CDH23: variants seen among roughly 807,000 people sequenced by gnomAD.
The protein encoded by CDH23 is cadherin-23.
Under a neutral mutation model 317.1 loss-of-function variants are expected in CDH23, and 189 were observed. That is an observed-to-expected ratio of 0.60 (90% CI 0.53 to 0.67). The LOEUF (loss-of-function observed/expected upper bound fraction) is 0.67, where lower values mean the gene tolerates loss of function less well. Among genes scored for constraint, CDH23 ranks in the 30% least tolerant of loss-of-function variants. The pLI is 0.00. For synonymous variants in CDH23, 1,839 were observed against 1,876.8 expected (o/e 0.98, Z 0.52); for missense variants, 4,401 against 4,592.4 (o/e 0.96, Z 1.20).
intron 30 of CDH23, among the ~76,000 whole-genome samples, chr10:71,727,904 A>G (rs1253394437): frequency 5.3e-5 from 8 of 152,134 alleles, no homozygotes; most frequent in Non-Finnish European, 1.2e-4. Context: ...AGGTTTGCAA[A>G]CCATCTTGCC....
intron 3 of CDH23, among the ~76,000 whole-genome samples, chr10:71,506,139 G>A (rs963633019): frequency 6.6e-6 from 1 of 152,146 alleles, no homozygotes; most frequent in African/African-American, 2.4e-5. Context: ...GGCACAAAAG[G>A]CCACATACTG....
chr10:71,500,433 G>A (rs1241889467), intron 3 of CDH23, among the ~76,000 whole-genome samples: 2 of 152,138 alleles, frequency 1.3e-5, no homozygotes. Flanking sequence ...AGGTGAGCCC[G>A]CAGCCCCTTC....
chr10:71,702,475 G>T, intron 23 of CDH23, 74 bp from the exon 24 acceptor site: 1 of 1,579,610 alleles, frequency 6.3e-7, no homozygotes. Context: ...CTCACCACTT[G>T]CCTTCTTCCT....
chr10:71,708,642 T>C (rs931858799), intron 26 of CDH23, among the ~76,000 whole-genome samples: 3 of 152,138 alleles, frequency 2.0e-5, no homozygotes, highest in South Asian at 4.2e-4. Flanking sequence ...ATGAGGGGCC[T>C]GGGGGATGCT....
chr10:71,815,122 A>C lies in CDH23; in HGVS notation c.9909A>C (p.Glu3303Asp). The C allele has an allele frequency of 1.2e-6, 2 of 1,611,474 alleles. No individual in the cohort carries two copies. The highest frequency in any genetic ancestry group is 1.7e-6 in the Non-Finnish European group (2 of 1,179,208). ...LATDLNSLPE[E>D]DQKGLGRSLE... ...CCGACCTCAACAGCCTGCCCGAGGA[A>C]GACCAGAAGGGCCTGGGCCGCTCGC... is the stretch of plus-strand genomic sequence containing the variant. The change falls in exon 70 of 70, where the codon GAA (glutamate) becomes GAC (aspartate). Residue 3303 changes from glutamate to aspartate, a missense_variant. Glu to Asp is a conservative substitution (Grantham distance 45). This residue lies in a region of CDH23 where 1,144 missense variants were observed against 1,138.2 expected (regional missense o/e 1.01). Coordinates refer to ENST00000224721, the MANE Select transcript of CDH23 (RefSeq NM_022124.6).
intron 6 of CDH23, among the ~76,000 whole-genome samples, chr10:71,559,148 C>A (rs1312388936): frequency 6.6e-6 from 1 of 152,238 alleles, no homozygotes; most frequent in Non-Finnish European, 1.5e-5. Context: ...TGAGCTTCAG[C>A]TCACCCGTCT....
chr10:71,796,909 C>T, intron 48 of CDH23, 195 bp from the exon 49 acceptor site: 2 of 528,756 alleles, frequency 3.8e-6, no homozygotes, highest in Non-Finnish European at 6.9e-6. Context: ...GCTTAGTAAG[C>T]ATCATGGGAG....
rs577559462 is a variant in CDH23, at chr10:71,803,200, C to T, written c.7661-9C>T. On this transcript the variant is annotated splice_polypyrimidine_tract_variant and intron_variant, in intron 54 of 69. Transcript: ENST00000224721. ...TCAACCAGAGCTACTCTCCTGCTCC[C>T]ACTGCCAGAGGCCTTCCATGTGGAC... is the stretch of plus-strand genomic sequence containing the variant. 1 of 1,608,722 alleles carries T rather than the reference C, an allele frequency of 6.2e-7. No homozygotes were observed.
chr10:71,578,060 A>G, intron 9 of CDH23, 68 bp downstream of exon 9: 5 of 1,451,766 alleles, frequency 3.4e-6, no homozygotes, highest in Non-Finnish European at 3.8e-6. Context: ...GCCAGTAGGC[A>G]TCTCAGGCTC....
chr10:71,469,010 C>A (rs1851384692), intron 3 of CDH23, among the ~76,000 whole-genome samples: 1 of 152,200 alleles, frequency 6.6e-6, no homozygotes, highest in Non-Finnish European at 1.5e-5. Context: ...CCTCCAAGAG[C>A]CCCAAAGCAG....
intron 38 of CDH23, among the ~76,000 whole-genome samples, chr10:71,759,938 C>CACACACATATATAT (rs1840277181): frequency 9.2e-6 from 1 of 108,324 alleles, no homozygotes; most frequent in Admixed American, 9.5e-5. Context: ...CACATATATA[C>CACACACATATATAT]ACACACACAT....
At chr10:71,733,057 C>T (rs556955233) in intron 32 of CDH23, among the ~76,000 whole-genome samples, 1 of 150,870 alleles carries the variant, frequency 6.6e-6, no homozygotes, top group East Asian at 1.9e-4. Context: ...GTTGTTTGAC[C>T]CATGCTTCTG....
intron 2 of CDH23, among the ~76,000 whole-genome samples, chr10:71,445,311 G>C (rs536324289): frequency 1.3e-5 from 2 of 152,342 alleles, no homozygotes; most frequent in Admixed American, 1.3e-4. Context: ...GGGTTCCTGA[G>C]ATGGCAGCTA....
At chr10:71,566,634 G>T in intron 6 of CDH23, 108 bp from the exon 7 acceptor site, 1 of 980,884 alleles carries the variant, frequency 1.0e-6, no homozygotes, top group East Asian at 2.9e-5. Context: ...AAGGCCTCGG[G>T]TCTGGTTGGC....
intron 30 of CDH23, among the ~76,000 whole-genome samples, chr10:71,727,138 T>C (rs1866849934): frequency 6.6e-6 from 1 of 152,228 alleles, no homozygotes; most frequent in Admixed American, 6.5e-5. Flanking sequence ...ACCCTCATAA[T>C]AGCCTTATGA....
intron 9 of CDH23, among the ~76,000 whole-genome samples, chr10:71,602,962 A>T (rs544796084): frequency 6.6e-6 from 1 of 152,306 alleles, no homozygotes; most frequent in African/African-American, 2.4e-5. Flanking sequence ...CGGCTTCCTC[A>T]TACATGTGCC....
intron 11 of CDH23, among the ~76,000 whole-genome samples, chr10:71,627,993 C>T (rs1861826597): frequency 6.6e-6 from 1 of 152,178 alleles, no homozygotes; most frequent in Non-Finnish European, 1.5e-5. Flanking sequence ...ACCCAGTTCA[C>T]CCTGGAACCT....
rs34583697 is a variant in CDH23, at chr10:71,557,995, C to CTTATTTAT, written c.430-8736_430-8729dup. Among the ~76,000 whole-genome samples the CTTATTTAT allele has an allele frequency of 3.2e-4, 47 of 149,038 alleles. No homozygotes were observed. In the East Asian group the frequency reaches 7.3e-3, roughly 23 times the overall value. On this transcript the variant is annotated intron_variant, in intron 6 of 69. Transcript: ENST00000224721. ...CCTCTTCATTTACTCTTTTTTTTAA[C>CTTATTTAT]TTATTTATTTATTTATTTTTGAGAC... is the stretch of plus-strand genomic sequence containing the variant.
Position 71,403,454 on chromosome 10 carries a change from TTTCCTTCCTTCCTTCCTTCC to T in CDH23, c.-6+6171_-6+6190del, listed in dbSNP as rs1158827093. On this transcript the variant is annotated intron_variant, in intron 1 of 69. Coordinates refer to ENST00000224721, the MANE Select transcript of CDH23 (RefSeq NM_022124.6). ...CTTCCTTCCTTCCTTCCTTCCTTCC[TTTCCTTCCTTCCTTCCTTCC>T]TTCCTTCCTTCCTTCCTTCCTTCCT... 9.6e-3 allele frequency among the ~76,000 whole-genome samples: 338 copies of T among 35,258 alleles called. 7 individuals are homozygous for T. Among genetic ancestry groups the T allele is most frequent in the Middle Eastern group, 0.026 (2 of 76 alleles). The allele number at this position is 35,258 out of a possible 152,430, so 23.1% of individuals were successfully genotyped here. A position where few individuals can be genotyped will look rare whatever the true frequency, so the allele number is the denominator to read the frequency against.
Sources: allele counts gnomAD v4.1 joint callset (sites outside exome capture counted in the v4.1 genomes callset), GRCh38; gene constraint gnomAD v4.1.1; regional missense constraint gnomAD v4.1.1; transcripts MANE v1.5; gene names NCBI Gene and HGNC (gene_info 2026-07-23, HGNC 2026-07-21).